DNAAF11: variants seen among roughly 807,000 people sequenced by gnomAD.
DNAAF11 encodes leucine rich repeat containing 6.
A neutral mutation model predicts 60.8 loss-of-function variants in DNAAF11; 45 were observed. The observed-to-expected ratio is 0.74, with a 90% CI of 0.58 to 0.95. The LOEUF is 0.95. Among genes scored for constraint, DNAAF11 ranks in the 40% least tolerant of loss-of-function variants. The pLI is 0.00. For missense variants in DNAAF11, 546 were observed against 546.2 expected (o/e 1.00, Z 0.00); for synonymous variants, 191 against 183.5 (o/e 1.04, Z -0.33).
chr8:132,641,115 G>A (rs1821809645), intron 3 of DNAAF11, among the ~76,000 whole-genome samples: 1 of 152,018 alleles, frequency 6.6e-6, no homozygotes, highest in African/African-American at 2.4e-5. Flanking sequence ...AAGGAATGAT[G>A]GAATGAAAAC....
intron 3 of DNAAF11, among the ~76,000 whole-genome samples, chr8:132,645,513 G>A (rs1586677333): frequency 2.0e-5 from 3 of 152,310 alleles, no homozygotes; most frequent in East Asian, 1.9e-4. Context: ...AGAGAAGAAG[G>A]CTTCAGATGA....
chr8:132,648,266 T>C (rs1304069683), intron 3 of DNAAF11, among the ~76,000 whole-genome samples: 1 of 152,178 alleles, frequency 6.6e-6, no homozygotes, highest in Non-Finnish European at 1.5e-5. Context: ...AACCACATGA[T>C]TATCTCAATA....
At chr8:132,646,118 T>C (rs866818683) in intron 3 of DNAAF11, among the ~76,000 whole-genome samples, 1 of 152,104 alleles carries the variant, frequency 6.6e-6, no homozygotes, top group Admixed American at 6.5e-5. Context: ...AGGGAACCCA[T>C]CAGACTAACA....
chr8:132,619,753 G>T (rs2130201862), intron 7 of DNAAF11, among the ~76,000 whole-genome samples: 1 of 152,282 alleles, frequency 6.6e-6, no homozygotes, highest in East Asian at 1.9e-4. Context: ...GAATTTGTTT[G>T]CACATGTGTG....
At chr8:132,606,752 C>A (rs1818179240) in intron 10 of DNAAF11, among the ~76,000 whole-genome samples, 1 of 152,132 alleles carries the variant, frequency 6.6e-6, no homozygotes, top group African/African-American at 2.4e-5. Flanking sequence ...TGGGCTCCTG[C>A]CCCAACCTTC....
intron 3 of DNAAF11, among the ~76,000 whole-genome samples, chr8:132,650,025 C>T (rs1444365013): frequency 1.3e-5 from 2 of 152,174 alleles, no homozygotes; most frequent in African/African-American, 4.8e-5. Flanking sequence ...TGGGTATATA[C>T]CCAAAGGATT....
upstream of DNAAF11, among the ~76,000 whole-genome samples, chr8:132,680,480 T>A (rs1447469478): frequency 6.6e-6 from 1 of 152,194 alleles, no homozygotes; most frequent in Non-Finnish European, 1.5e-5. Context: ...TTTAGTTCTT[T>A]TTATTTTCAT....
At chr8:132,674,487 CA>C (rs1825579717) in intron 1 of DNAAF11, among the ~76,000 whole-genome samples, 1 of 152,154 alleles carries the variant, frequency 6.6e-6, no homozygotes, top group Non-Finnish European at 1.5e-5. Flanking sequence ...TAGAGCTGTA[CA>C]AAACTGCCAT....
At chr8:132,600,748 C>G (rs1226817996) in intron 10 of DNAAF11, among the ~76,000 whole-genome samples, 1 of 152,198 alleles carries the variant, frequency 6.6e-6, no homozygotes, top group Non-Finnish European at 1.5e-5. Flanking sequence ...TGGATCCCTT[C>G]CTTACACCTT....
Position 132,667,068 on chromosome 8 carries a change from A to G in DNAAF11, c.11-5441T>C, listed in dbSNP as rs1036649360. Among the ~76,000 whole-genome samples the G allele has an allele frequency of 3.3e-5, 5 of 152,200 alleles. No individual in the cohort carries two copies. In the South Asian group the frequency reaches 6.2e-4, roughly 19 times the overall value. ...ACTGAAGGAATTGGGAGATATAAAA[A>G]AGCTAGGCAAGTTTGAGTCCATTGT... On this transcript the variant is annotated intron_variant, in intron 1 of 11. Coordinates refer to ENST00000620350, the MANE Select transcript of DNAAF11 (RefSeq NM_012472.6).
chr8:132,586,499 C>T (rs1452353793), intron 10 of DNAAF11, among the ~76,000 whole-genome samples: 2 of 152,108 alleles, frequency 1.3e-5, no homozygotes. Context: ...TGATGGGATG[C>T]CGGGATTCTT....
chr8:132,638,855 T>C lies in DNAAF11; in HGVS notation c.257-748A>G, dbSNP rs147818584. Among the ~76,000 whole-genome samples, 669 of 152,320 alleles carry C rather than the reference T, an allele frequency of 4.4e-3. 5 individuals carry two copies. The highest frequency in any genetic ancestry group is 0.015 in the African/African-American group (643 of 41,564). ...ATTTGAATTAATCCCCTCATTCACA[T>C]TCCATGCAAATTTGGAGGCTAGGAG... On this transcript the variant is annotated intron_variant, in intron 3 of 11. Coordinates refer to ENST00000620350, the MANE Select transcript of DNAAF11 (RefSeq NM_012472.6).
At chr8:132,667,320 T>G (rs984273045) in intron 1 of DNAAF11, among the ~76,000 whole-genome samples, 2 of 152,028 alleles carry the variant, frequency 1.3e-5, no homozygotes, top group African/African-American at 4.8e-5. Context: ...CTTCTTAAAA[T>G]TTTTTTGAGG....
intron 5 of DNAAF11, among the ~76,000 whole-genome samples, chr8:132,629,677 C>T (rs2130405324): frequency 6.6e-6 from 1 of 152,200 alleles, no homozygotes; most frequent in Middle Eastern, 3.4e-3. Context: ...TACTATTCCA[C>T]TCCATACTGG....
At chr8:132,628,112 T>C (rs1204067131) in intron 5 of DNAAF11, among the ~76,000 whole-genome samples, 1 of 152,136 alleles carries the variant, frequency 6.6e-6, no homozygotes, top group East Asian at 1.9e-4. Context: ...CTACTTGTTC[T>C]ATAAAATATT....
chr8:132,599,581 C>G (rs1817383422), intron 10 of DNAAF11, among the ~76,000 whole-genome samples: 1 of 152,184 alleles, frequency 6.6e-6, no homozygotes, highest in Admixed American at 6.5e-5. Flanking sequence ...CCACCATGAT[C>G]AAGTGGGCTT....
the DNAAF11 span, among the ~76,000 whole-genome samples, chr8:132,690,958 T>A: frequency 6.6e-6 from 1 of 152,142 alleles, no homozygotes; most frequent in African/African-American, 2.4e-5. Flanking sequence ...GCTAAAGTAG[T>A]ATTTGTCAGA....
At chr8:132,595,133 G>T (rs1816855510) in intron 10 of DNAAF11, among the ~76,000 whole-genome samples, 1 of 151,948 alleles carries the variant, frequency 6.6e-6, no homozygotes, top group African/African-American at 2.4e-5. Context: ...TTTATTTATA[G>T]CAGTGTGAAA....
intron 10 of DNAAF11, among the ~76,000 whole-genome samples, chr8:132,606,162 T>C (rs527975311): frequency 2.6e-5 from 4 of 152,214 alleles, no homozygotes; most frequent in Non-Finnish European, 5.9e-5. Flanking sequence ...TAAACAAACC[T>C]ACTGCACTGC....
Sources: gnomAD v4.1 joint callset for allele counts (sites outside exome capture counted in the v4.1 genomes callset) on GRCh38, gnomAD v4.1.1 for gene constraint, MANE v1.5 for transcripts, NCBI Gene and HGNC (gene_info 2026-07-23, HGNC 2026-07-21) for gene names.